BIN1: variants seen among roughly 807,000 people sequenced by gnomAD.
The protein encoded by BIN1 is bridging integrator 1.
In BIN1, 53 loss-of-function variants were observed where a neutral mutation model predicts 82.0. The observed-to-expected ratio is 0.65, with a 90% CI of 0.52 to 0.81. The LOEUF is 0.81. Among genes scored for constraint, BIN1 ranks in the 40% least tolerant of loss-of-function variants. BIN1 has a pLI of 0.00. For synonymous variants in BIN1, 302 were observed against 328.0 expected (o/e 0.92, Z 0.86); for missense variants, 642 against 784.4 (o/e 0.82, Z 2.17).
chr2:127,059,291 TG>T lies in BIN1; in HGVS notation c.858-137del. On this transcript the variant is annotated intron_variant, in intron 10 of 18. Transcript: ENST00000316724. The surrounding 1 kb of genome is among the most constrained non-coding windows in gnomAD (Gnocchi z 6.7). ...GAAACTGTGTGTGTGTGTGTGTGTGTGTATGTGAGAGAGAGCAGGAGGGTGG... is the reference window on the plus strand; with the variant it reads ...GAAACTGTGTGTGTGTGTGTGTGTGTTATGTGAGAGAGAGCAGGAGGGTGG... 3 of 890,656 alleles carry T rather than the reference TG, an allele frequency of 3.4e-6. No individual in the cohort carries two copies. The highest frequency in any genetic ancestry group is 5.0e-6 in the Non-Finnish European group (3 of 603,516). The allele number at this position is 890,656 out of a possible 1,614,324, so 55.2% of individuals were successfully genotyped here.
At chr2:127,064,636 T>C (rs1021592316) in intron 7 of BIN1, 1 of 176,252 alleles carries the variant, frequency 5.7e-6, no homozygotes, top group Non-Finnish European at 1.2e-5. Flanking sequence ...CAGGCACCTC[T>C]AGGAATGTCA....
Position 127,107,025 on chromosome 2 carries a change from G to A in BIN1, c.-82C>T. 2.2e-6 allele frequency: 3 copies of A among 1,393,198 alleles called. No individual in the cohort carries two copies. Among genetic ancestry groups the A allele is most frequent in the Non-Finnish European group, 2.8e-6 (3 of 1,066,442 alleles). The allele number at this position is 1,393,198 out of a possible 1,614,324, so 86.3% of individuals were successfully genotyped here. On this transcript the variant is annotated 5_prime_UTR_variant, in exon 1 of 19. Transcript: ENST00000316724. This position sits in a 1 kb window ranked among gnomAD's most constrained non-coding sequence, Gnocchi z 5.9. ...CGCCGCGCTCCCAGCCCCCAGCCCC[G>A]GCCGCGCGTCCAGACCGGCTGCCGC...
intron 2 of BIN1, among the ~76,000 whole-genome samples, chr2:127,073,904 G>A (rs974353590): frequency 3.3e-5 from 5 of 152,156 alleles, no homozygotes; most frequent in Middle Eastern, 3.2e-3. Context: ...AGGCCCCCAT[G>A]GGCTCTCAGA....
intron 10 of BIN1, chr2:127,060,719 T>C (rs2104971196): frequency 1.3e-6 from 2 of 1,561,882 alleles, no homozygotes; most frequent in East Asian, 4.6e-5. Flanking sequence ...CCTTCCCTCT[T>C]TGCCAACCCT....
At chr2:127,105,453 C>T (rs7583814) in intron 1 of BIN1, among the ~76,000 whole-genome samples, 18,480 of 149,584 alleles carry the variant, frequency 0.12, 1,406 homozygotes, top group Non-Finnish European at 0.17. Context: ...GCCAGCTATT[C>T]CTGGGGCTTT....
chr2:127,098,431 G>A (rs1270484142), intron 1 of BIN1, among the ~76,000 whole-genome samples: 1 of 152,196 alleles, frequency 6.6e-6, no homozygotes, highest in African/African-American at 2.4e-5. Flanking sequence ...TCTGCAGACT[G>A]GAGGCAGCAG....
intron 11 of BIN1, among the ~76,000 whole-genome samples, 157 bp downstream of exon 11, chr2:127,058,854 G>A (rs1264507950): frequency 1.3e-5 from 2 of 152,332 alleles, no homozygotes; most frequent in South Asian, 2.1e-4. Context: ...GGGGAAAGGA[G>A]ACCCAGGTCC....
Position 127,050,842 on chromosome 2 carries a change from C to T in BIN1, c.1532G>A (p.Gly511Glu). 1 of 1,613,770 alleles carries T rather than the reference C, an allele frequency of 6.2e-7. No homozygotes were observed. Reference sequence around the variant, plus strand: ...TGGGGGCAGGTCCAAGCGCCCGGCCCCACTGCCGCCCTCCACGGTGCCATT... The same window carrying T: ...TGGGGGCAGGTCCAAGCGCCCGGCCTCACTGCCGCCCTCCACGGTGCCATT... ...TVNGTVEGGS[G>E]AGRLDLPPGF... Residue 511 changes from glycine to glutamate, a missense_variant, in exon 17 of 19, where the codon GGG becomes GAG. Physicochemically the swap from Gly to Glu is moderately conservative, Grantham distance 98. Coordinates refer to ENST00000316724, the MANE Select transcript of BIN1 (RefSeq NM_139343.3).
chr2:127,082,153 G>GC lies in BIN1; in HGVS notation c.85-5448dup, dbSNP rs1030682073. The stretch of plus-strand genomic sequence containing the variant: ...AAAGGCGAGCCTTCTCCCCACCCCC[G>GC]CCCCCCACCTCTGGGTCCAGGCTCG... On this transcript the variant is annotated intron_variant, in intron 1 of 18. Coordinates refer to ENST00000316724, the MANE Select transcript of BIN1 (RefSeq NM_139343.3). This position sits in a 1 kb window ranked among gnomAD's most constrained non-coding sequence, Gnocchi z 6.1. Among the ~76,000 whole-genome samples the GC allele has an allele frequency of 7.0e-6, 1 of 142,206 alleles. No homozygotes were observed. The highest frequency in any genetic ancestry group is 2.5e-5 in the African/African-American group (1 of 39,334). 93.3% of individuals were successfully genotyped at this position (142,206 alleles called of 152,430 possible).
intron 1 of BIN1, among the ~76,000 whole-genome samples, chr2:127,097,874 C>A (rs1373806969): frequency 1.3e-5 from 2 of 152,218 alleles, no homozygotes; most frequent in African/African-American, 4.8e-5. Context: ...AAGCACTGTT[C>A]CCGCTGCCAT....
Position 127,107,072 on chromosome 2 carries a change from C to G in BIN1, c.-129G>C. The stretch of plus-strand genomic sequence containing the variant: ...CCGCTCCACGCCGCGCACCCGACAG[C>G]GGAGCCAACTGACGGAGGCGGAGCG... On this transcript the variant is annotated 5_prime_UTR_variant, in exon 1 of 19. Transcript: ENST00000316724. This position sits in a 1 kb window ranked among gnomAD's most constrained non-coding sequence, Gnocchi z 5.9. The G allele has an allele frequency of 1.0e-6, 1 of 979,408 alleles. No individual in the cohort carries two copies. Among genetic ancestry groups the G allele is most frequent in the South Asian group, 2.7e-5 (1 of 37,072 alleles). 60.7% of individuals were successfully genotyped at this position (979,408 alleles called of 1,614,324 possible).
chr2:127,100,802 G>A (rs1170463965), intron 1 of BIN1, among the ~76,000 whole-genome samples: 1 of 152,086 alleles, frequency 6.6e-6, no homozygotes, highest in African/African-American at 2.4e-5. Context: ...CACAGCACAA[G>A]AACAGCAGTA....
intron 10 of BIN1, chr2:127,060,578 A>C (rs113186211): frequency 1.2e-6 from 2 of 1,614,060 alleles, no homozygotes; most frequent in South Asian, 1.1e-5. Flanking sequence ...GCCCCTCCGC[A>C]GCACTCACTG....
chr2:127,064,396 T>G (rs1375602915), intron 7 of BIN1, among the ~76,000 whole-genome samples: 2 of 152,120 alleles, frequency 1.3e-5, no homozygotes, highest in African/African-American at 4.8e-5. Context: ...ACTTCCACAA[T>G]GAACCTCCTC....
At position 127,096,352 on chromosome 2, in the gene BIN1, C is replaced by T. The variant is rs1009978027; in HGVS notation, c.84+10508G>A. Reference sequence around the variant, plus strand: ...AAGCACAGACAACAAACTCAAAACACGAAAGCCAGAATGACGCCCGTGGGC... The same window carrying T: ...AAGCACAGACAACAAACTCAAAACATGAAAGCCAGAATGACGCCCGTGGGC... On this transcript the variant is annotated intron_variant, in intron 1 of 18. Coordinates refer to ENST00000316724, the MANE Select transcript of BIN1 (RefSeq NM_139343.3). Among the ~76,000 whole-genome samples, 139 of 152,262 alleles carry T rather than the reference C, an allele frequency of 9.1e-4. 1 individual carries two copies. The highest frequency in any genetic ancestry group is 3.2e-3 in the African/African-American group (133 of 41,546).
intron 16 of BIN1, 106 bp from the exon 17 acceptor site, chr2:127,051,018 T>C: frequency 6.7e-7 from 1 of 1,499,910 alleles, no homozygotes; most frequent in Non-Finnish European, 9.3e-7. Flanking sequence ...CTGCGCCTGG[T>C]GCCAGACCGG....
intron 1 of BIN1, among the ~76,000 whole-genome samples, chr2:127,099,829 A>G (rs1471773880): frequency 7.0e-6 from 1 of 142,164 alleles, no homozygotes; most frequent in African/African-American, 2.7e-5. Flanking sequence ...TTTGAGACGG[A>G]GTCTCGCTCT....
In BIN1 at chr2:127,051,715, C is replaced by G. The variant is rs148399066; in HGVS notation, c.1372-472G>C. Reference sequence around the variant, plus strand: ...ACCCAGCGCAGGTGGTGCGGTGCAGCCTGTGCGCAGCCCAAATCCAAGAAG... The same window carrying G: ...ACCCAGCGCAGGTGGTGCGGTGCAGGCTGTGCGCAGCCCAAATCCAAGAAG... On this transcript the variant is annotated intron_variant, in intron 15 of 18. Transcript: ENST00000316724. Among the ~76,000 whole-genome samples, 1,234 of 152,290 alleles carry G rather than the reference C, an allele frequency of 8.1e-3. 12 individuals are homozygous for G. Among genetic ancestry groups the G allele is most frequent in the Middle Eastern group, 0.024 (7 of 294 alleles).
chr2:127,105,659 C>T (rs1236371839), intron 1 of BIN1, among the ~76,000 whole-genome samples: 1 of 152,142 alleles, frequency 6.6e-6, no homozygotes, highest in African/African-American at 2.4e-5. Context: ...TAGGCGCCCC[C>T]CTCTCCCCCA....
Sources: allele counts gnomAD v4.1 joint callset (sites outside exome capture counted in the v4.1 genomes callset), GRCh38; gene constraint gnomAD v4.1.1; non-coding constraint Gnocchi (gnomAD v3.1); transcripts MANE v1.5; gene names NCBI Gene and HGNC (gene_info 2026-07-23, HGNC 2026-07-21).